TIMM17A: variants seen among roughly 807,000 people sequenced by gnomAD.
The protein encoded by TIMM17A is translocase of inner mitochondrial membrane 17A, also known as mitochondrial import inner membrane translocase subunit Tim17-A.
TIMM17A carries 15 observed loss-of-function variants against 26.5 expected under a neutral mutation model. The observed-to-expected ratio is 0.57, with a 90% CI of 0.38 to 0.87. The LOEUF is 0.87. Ranked by LOEUF, TIMM17A falls within the 40% of genes least tolerant of loss-of-function variation. The pLI is 0.00. For synonymous variants in TIMM17A, 80 were observed against 70.8 expected (o/e 1.13, Z -0.66); for missense variants, 201 against 210.0 (o/e 0.96, Z 0.27).
intron 5 of TIMM17A, among the ~76,000 whole-genome samples, chr1:201,966,984 A>ATACATGT (rs1558251898): frequency 1.7e-5 from 1 of 60,124 alleles, no homozygotes; most frequent in African/African-American, 4.9e-5. Context: ...GTTGTATATT[A>ATACATGT]TATATGTTGT....
At chr1:201,957,796 G>T in intron 3 of TIMM17A, 1 of 399,756 alleles carries the variant, frequency 2.5e-6, no homozygotes, top group Non-Finnish European at 4.1e-6. Flanking sequence ...TCAGACACTC[G>T]GTGATTTTTT....
At chr1:201,959,800 C>T (rs1682490064) in intron 3 of TIMM17A, among the ~76,000 whole-genome samples, 1 of 151,306 alleles carries the variant, frequency 6.6e-6, no homozygotes, top group Admixed American at 6.6e-5. Flanking sequence ...CGGTGAAACC[C>T]CATCTCTACT....
rs116760068 is a variant in TIMM17A at position 201,966,075 on chromosome 1, G to A, written c.430+532G>A. Among the ~76,000 whole-genome samples the A allele has an allele frequency of 2.1e-3, 318 of 152,310 alleles. 2 individuals carry two copies. Among genetic ancestry groups the A allele is most frequent in the African/African-American group, 7.4e-3 (307 of 41,560 alleles). On this transcript the variant is annotated intron_variant, in intron 5 of 5. Coordinates refer to ENST00000367287, the MANE Select transcript of TIMM17A (RefSeq NM_006335.3). ...GGTCACTTTAGGGTTCACAGTAGAA[G>A]TATCTTAGAAAATGTGTTAGCCCGG...
At chr1:201,964,643 T>TATTTA (rs1558251171) in intron 4 of TIMM17A, among the ~76,000 whole-genome samples, 1 of 116,132 alleles carries the variant, frequency 8.6e-6, no homozygotes. Flanking sequence ...TTCTTTTTTT[T>TATTTA]TTTTTTTTTT....
chr1:201,961,341 A>G (rs1033868345), intron 3 of TIMM17A, among the ~76,000 whole-genome samples: 8 of 152,172 alleles, frequency 5.3e-5, no homozygotes, highest in African/African-American at 1.7e-4. Context: ...TGCTAGGATC[A>G]CAGGCGTGAG....
chr1:201,961,168 C>T (rs1015398469), intron 3 of TIMM17A, among the ~76,000 whole-genome samples: 5 of 150,708 alleles, frequency 3.3e-5, no homozygotes, highest in Non-Finnish European at 7.4e-5. Flanking sequence ...CCGGTTCAAG[C>T]GATTGTCCAT....
At chr1:201,968,200 A>C (rs931508966) in intron 5 of TIMM17A, among the ~76,000 whole-genome samples, 3 of 150,856 alleles carry the variant, frequency 2.0e-5, no homozygotes, top group Non-Finnish European at 4.4e-5. Flanking sequence ...ATGCAGTTTC[A>C]CCATATTGGT....
At chr1:201,956,830 C>T (rs1254936664) in intron 1 of TIMM17A, among the ~76,000 whole-genome samples, 1 of 152,074 alleles carries the variant, frequency 6.6e-6, no homozygotes, top group East Asian at 1.9e-4. Context: ...GTGGCACGCG[C>T]CTGTAGTCCC....
At chr1:201,959,323 T>C (rs544796624) in intron 3 of TIMM17A, among the ~76,000 whole-genome samples, 1 of 151,566 alleles carries the variant, frequency 6.6e-6, no homozygotes, top group South Asian at 2.1e-4. Flanking sequence ...ACCACTGTAC[T>C]CCAGGCGGGG....
At chr1:201,966,466 C>T (rs1483163945) in intron 5 of TIMM17A, among the ~76,000 whole-genome samples, 1 of 152,118 alleles carries the variant, frequency 6.6e-6, no homozygotes, top group African/African-American at 2.4e-5. Flanking sequence ...CCAGCCTGGG[C>T]AACAGAGCAA....
intron 3 of TIMM17A, among the ~76,000 whole-genome samples, chr1:201,959,997 T>TC (rs1317069235): frequency 3.1e-5 from 4 of 127,450 alleles, no homozygotes; most frequent in Non-Finnish European, 5.4e-5. Flanking sequence ...AGACTCTGTC[T>TC]CAAAATAAAT....
At chr1:201,962,062 T>C (rs1292593056) in intron 3 of TIMM17A, among the ~76,000 whole-genome samples, 1 of 152,104 alleles carries the variant, frequency 6.6e-6, no homozygotes, top group Non-Finnish European at 1.5e-5. Context: ...CTGCTTAGAC[T>C]CAAATTCTCC....
At chr1:201,963,406 C>A in intron 3 of TIMM17A, 1 of 491,124 alleles carries the variant, frequency 2.0e-6, no homozygotes, top group South Asian at 2.5e-5. Context: ...TGGGCCGTTG[C>A]TAATTTTCCA....
At chr1:201,961,251 G>A (rs1682522558) in intron 3 of TIMM17A, among the ~76,000 whole-genome samples, 1 of 151,634 alleles carries the variant, frequency 6.6e-6, no homozygotes, top group Admixed American at 6.6e-5. Flanking sequence ...TATTTTAGTG[G>A]AGATGGGGTT....
intron 5 of TIMM17A, among the ~76,000 whole-genome samples, chr1:201,966,922 ATGTT>A (rs1244472238): frequency 2.0e-5 from 3 of 146,868 alleles, no homozygotes; most frequent in African/African-American, 5.0e-5. Flanking sequence ...TATAATATGT[ATGTT>A]ATATGTTGTA....
rs765473570 is a variant in TIMM17A at position 201,963,619 on chromosome 1, G to A, written c.194G>A (p.Ser65Asn). The A allele has an allele frequency of 6.9e-6, 11 of 1,598,470 alleles. No individual in the cohort carries two copies. The highest frequency in any genetic ancestry group is 9.4e-6 in the Non-Finnish European group (11 of 1,176,232). Residue 65 changes from serine (S) to asparagine (N), a missense_variant, in exon 4 of 6, where the codon AGC becomes AAC. Ser to Asn is a conservative substitution (Grantham distance 46). Transcript: ENST00000367287. ...IKTRAPQLGGSFAVWGGLFSM... is the reference protein window; with the variant it reads ...IKTRAPQLGGNFAVWGGLFSM... ...GTTTCTTTTTACAATAAAATAGGTAGCTTTGCAGTTTGGGGAGGGCTGTTT... is the reference window on the plus strand; with the variant it reads ...GTTTCTTTTTACAATAAAATAGGTAACTTTGCAGTTTGGGGAGGGCTGTTT...
chr1:201,961,231 A>T lies in TIMM17A; in HGVS notation c.191-2385A>T, dbSNP rs151316720. On this transcript the variant is annotated intron_variant, in intron 3 of 5. Coordinates refer to ENST00000367287, the MANE Select transcript of TIMM17A (RefSeq NM_006335.3). ...CAGGCGCATGCCGCCACTTCTGGCT[A>T]AGTTTTTTGTATTTTAGTGGAGATG... is the stretch of plus-strand genomic sequence containing the variant. Among the ~76,000 whole-genome samples, 11 of 151,844 alleles carry T rather than the reference A, an allele frequency of 7.2e-5. No homozygotes were observed. In the East Asian group the frequency reaches 2.1e-3, roughly 30 times the overall value.
At chr1:201,956,822 G>A (rs1208081561) in intron 1 of TIMM17A, among the ~76,000 whole-genome samples, 1 of 152,116 alleles carries the variant, frequency 6.6e-6, no homozygotes, top group Non-Finnish European at 1.5e-5. Context: ...CGGGCGTGGT[G>A]GCACGCGCCT....
chr1:201,957,243 A>T, intron 1 of TIMM17A, 38 bp from the exon 2 acceptor site: 1 of 1,344,954 alleles, frequency 7.4e-7, no homozygotes, highest in Non-Finnish European at 1.1e-6. Context: ...ATGGTTTGTG[A>T]ATGAGAAATA....
Sources: gnomAD v4.1 joint callset for allele counts (sites outside exome capture counted in the v4.1 genomes callset) on GRCh38, gnomAD v4.1.1 for gene constraint, MANE v1.5 for transcripts, NCBI Gene and HGNC (gene_info 2026-07-23, HGNC 2026-07-21) for gene names.